Variants in SNX29 observed in about 807,000 individuals in gnomAD.
The protein encoded by SNX29 is sorting nexin-29.
Under a neutral mutation model 102.1 loss-of-function variants are expected in SNX29, and 78 were observed. The ratio of observed to expected loss-of-function variants is 0.76; its 90% CI spans 0.64 to 0.92. The LOEUF is 0.92. SNX29 is among the 40% of genes least tolerant of loss of function. SNX29 has a pLI of 0.00. For synonymous variants in SNX29, 580 were observed against 414.5 expected (o/e 1.40, Z -4.85); for missense variants, 1,280 against 1,061.7 (o/e 1.21, Z -2.86).
At chr16:12,331,255 G>A (rs1416866633) in intron 15 of SNX29, among the ~76,000 whole-genome samples, 4 of 152,226 alleles carry the variant, frequency 2.6e-5, no homozygotes, top group Non-Finnish European at 5.9e-5. Flanking sequence ...CAGAGATCAT[G>A]AGATTTACAG....
intron 14 of SNX29, among the ~76,000 whole-genome samples, chr16:12,257,754 C>G (rs1284406836): frequency 1.3e-5 from 2 of 150,946 alleles, no homozygotes; most frequent in African/African-American, 2.4e-5. Flanking sequence ...TCTCGAACTC[C>G]TGATCTCAAG....
At chr16:12,305,969 A>C (rs2080324834) in intron 15 of SNX29, among the ~76,000 whole-genome samples, 1 of 152,096 alleles carries the variant, frequency 6.6e-6, no homozygotes, top group South Asian at 2.1e-4. Flanking sequence ...TGTTTAATTC[A>C]TTTTAAATAG....
At chr16:12,152,350 A>G (rs2055337538) in intron 13 of SNX29, among the ~76,000 whole-genome samples, 1 of 152,330 alleles carries the variant, frequency 6.6e-6, no homozygotes, top group South Asian at 2.1e-4. Context: ...CATCCAGACC[A>G]GGTAACTGGT....
intron 19 of SNX29, among the ~76,000 whole-genome samples, chr16:12,480,731 C>T (rs2087866583): frequency 6.6e-6 from 1 of 152,164 alleles, no homozygotes; most frequent in Admixed American, 6.5e-5. Flanking sequence ...CTCATCAGTC[C>T]TGAAAACACT....
intron 15 of SNX29, among the ~76,000 whole-genome samples, chr16:12,311,075 A>G (rs2080525029): frequency 1.3e-5 from 2 of 152,242 alleles, no homozygotes; most frequent in South Asian, 4.1e-4. Context: ...TCTTGTAAAA[A>G]GAAAGTTATA....
At chr16:12,515,212 G>A (rs776520774) in intron 19 of SNX29, among the ~76,000 whole-genome samples, 15 of 152,172 alleles carry the variant, frequency 9.9e-5, no homozygotes, top group African/African-American at 2.4e-4. Flanking sequence ...TTCATCAGGC[G>A]TGTGTTGTGG....
intron 1 of SNX29, among the ~76,000 whole-genome samples, chr16:11,982,565 G>C (rs1055092019): frequency 5.9e-5 from 9 of 151,988 alleles, no homozygotes; most frequent in African/African-American, 2.2e-4. Flanking sequence ...GAGTAGCTGG[G>C]ACTACAGGCG....
intron 1 of SNX29, among the ~76,000 whole-genome samples, chr16:11,994,422 A>G (rs748654490): frequency 1.3e-5 from 2 of 152,096 alleles, no homozygotes; most frequent in African/African-American, 2.4e-5. Context: ...CTGTGTGGCA[A>G]AGTGTTTGCT....
At chr16:12,070,761 C>T (rs1002474445) in intron 10 of SNX29, among the ~76,000 whole-genome samples, 6 of 152,104 alleles carry the variant, frequency 3.9e-5, no homozygotes, top group Non-Finnish European at 7.3e-5. Flanking sequence ...ACACTGACTT[C>T]CACAATGGTT....
At chr16:12,128,440 T>C (rs12598569) in intron 12 of SNX29, among the ~76,000 whole-genome samples, 66,834 of 149,692 alleles carry the variant, frequency 0.45, 16,297 homozygotes, top group East Asian at 0.7. Context: ...GTCAGATGTT[T>C]TTGATTATAT....
chr16:12,070,602 A>C (rs1457002825), intron 10 of SNX29, among the ~76,000 whole-genome samples: 1 of 151,676 alleles, frequency 6.6e-6, no homozygotes, highest in Non-Finnish European at 1.5e-5. Context: ...GTTGGTTCCA[A>C]GTCTTTGCTA....
chr16:12,563,253 G>A (rs74431017), intron 20 of SNX29, among the ~76,000 whole-genome samples: 5,686 of 152,080 alleles, frequency 0.037, 353 homozygotes, highest in East Asian at 0.19. Flanking sequence ...CACTGACCCC[G>A]CCCAGGTAGC....
At chr16:12,170,827 G>A (rs2076132944) in intron 13 of SNX29, among the ~76,000 whole-genome samples, 1 of 151,674 alleles carries the variant, frequency 6.6e-6, no homozygotes, top group South Asian at 2.1e-4. Flanking sequence ...TGACTAAGGA[G>A]TATGAGAGTG....
chr16:12,494,369 C>T (rs907903409), intron 19 of SNX29, among the ~76,000 whole-genome samples: 1 of 152,194 alleles, frequency 6.6e-6, no homozygotes, highest in Non-Finnish European at 1.5e-5. Context: ...GACTTGTTTT[C>T]TGGGGGAGCA....
chr16:12,343,690 C>T (rs1341019819), intron 15 of SNX29, among the ~76,000 whole-genome samples: 3 of 151,698 alleles, frequency 2.0e-5, no homozygotes, highest in African/African-American at 7.3e-5. Context: ...CCTAGATCCC[C>T]ACGAGATAGG....
chr16:11,982,286 T>C (rs1291472259), intron 1 of SNX29, among the ~76,000 whole-genome samples: 2 of 152,150 alleles, frequency 1.3e-5, no homozygotes, highest in African/African-American at 4.8e-5. Context: ...CTTCAGACTA[T>C]GTAAGGAATG....
intron 1 of SNX29, among the ~76,000 whole-genome samples, chr16:11,988,454 A>G (rs1057194708): frequency 6.6e-5 from 10 of 152,088 alleles, no homozygotes; most frequent in African/African-American, 1.2e-4. Flanking sequence ...TTGGAGTGCA[A>G]TGGTGTCATC....
At chr16:12,321,458 G>A (rs938029939) in intron 15 of SNX29, among the ~76,000 whole-genome samples, 1 of 152,208 alleles carries the variant, frequency 6.6e-6, no homozygotes, top group Non-Finnish European at 1.5e-5. Context: ...GTGAGGACAG[G>A]TGACCTGTGT....
rs181402004 is a variant in SNX29, at chr16:12,572,291, C to A, written c.*3662C>A. 2.5e-5 allele frequency: 25 copies of A among 1,007,124 alleles called. No homozygotes were observed. The highest frequency in any genetic ancestry group is 2.9e-5 in the Non-Finnish European group (25 of 858,532). The allele number at this position is 1,007,124 out of a possible 1,614,324, so 62.4% of individuals were successfully genotyped here. The stretch of plus-strand genomic sequence containing the variant: ...CTGATGCAACTAACAAGTACTGGGG[C>A]CAGTGATCACAATCCAGGTTGGAAA... On this transcript the variant is annotated 3_prime_UTR_variant, in exon 21 of 21. Transcript: ENST00000566228.
Sources: allele counts gnomAD v4.1 joint callset (sites outside exome capture counted in the v4.1 genomes callset), GRCh38; gene constraint gnomAD v4.1.1; transcripts MANE v1.5; gene names NCBI Gene and HGNC (gene_info 2026-07-23, HGNC 2026-07-21).